PRDM10: variants seen among roughly 807,000 people sequenced by gnomAD.
PRDM10 encodes PR/SET domain 10.
PRDM10 carries 65 observed loss-of-function variants against 133.1 expected under a neutral mutation model. That is an observed-to-expected ratio of 0.49 (90% confidence interval 0.40 to 0.60). PRDM10 has a LOEUF of 0.60. Among genes scored for constraint, PRDM10 ranks in the 20% least tolerant of loss-of-function variants. The pLI is 0.00. For missense variants in PRDM10, 1,137 were observed against 1,507.1 expected (o/e 0.75, Z 4.07); for synonymous variants, 582 against 580.4 (o/e 1.00, Z -0.04).
At position 129,960,967 on chromosome 11, in the gene PRDM10, T is replaced by A. The variant is rs1951785481; in HGVS notation, c.-3A>T. The stretch of plus-strand genomic sequence containing the variant: ...GAGCTTTCATCTTTGGAATCCATCT[T>A]CTCCCAACTGGACAGCTCCACGTCT... On this transcript the variant is annotated 5_prime_UTR_variant, in exon 2 of 21. Coordinates refer to ENST00000360871, the MANE Select transcript of PRDM10 (RefSeq NM_199437.2). 6.2e-7 allele frequency: 1 copy of A among 1,613,944 alleles called. No homozygotes were observed. Among genetic ancestry groups the A allele is most frequent in the Non-Finnish European group, 8.5e-7 (1 of 1,179,982 alleles).
chr11:129,971,617 GC>G (rs1436947325), intron 1 of PRDM10, among the ~76,000 whole-genome samples: 2 of 151,088 alleles, frequency 1.3e-5, no homozygotes, highest in East Asian at 3.9e-4. Context: ...GTTCTCCAAG[GC>G]CCCACCAGAG....
intron 1 of PRDM10, among the ~76,000 whole-genome samples, chr11:129,999,569 GAAC>G (rs1156969663): frequency 2.0e-5 from 3 of 152,104 alleles, no homozygotes; most frequent in Admixed American, 6.6e-5. Flanking sequence ...AAAACAAACT[GAAC>G]AACTCAAACA....
At chr11:129,964,513 C>G (rs1443395990) in intron 1 of PRDM10, among the ~76,000 whole-genome samples, 1 of 152,206 alleles carries the variant, frequency 6.6e-6, no homozygotes. Flanking sequence ...TATATACTCT[C>G]TCCCTCTCCA....
chr11:129,934,414 G>A (rs1175839104), intron 9 of PRDM10, among the ~76,000 whole-genome samples: 2 of 152,262 alleles, frequency 1.3e-5, no homozygotes, highest in Non-Finnish European at 2.9e-5. Flanking sequence ...CCCCTGGCAT[G>A]AGCCTACTCC....
intron 11 of PRDM10, chr11:129,929,424 G>A (rs757297219): frequency 6.7e-5 from 105 of 1,563,064 alleles, no homozygotes; most frequent in Non-Finnish European, 8.8e-5. Context: ...AGCTCCAACT[G>A]AGCAGGCAGC....
rs78639039 is a variant in PRDM10, at chr11:129,959,273, T to A, written c.70-1363A>T. 6.8e-3 allele frequency among the ~76,000 whole-genome samples: 1,030 copies of A among 152,342 alleles called. 9 individuals carry two copies. Among genetic ancestry groups the A allele is most frequent in the African/African-American group, 0.024 (985 of 41,570 alleles). The stretch of plus-strand genomic sequence containing the variant: ...TGATTAGTCTGGCTTCTACATAAAT[T>A]TGATTTGTCTGGAAGATAAAGTTTG... On this transcript the variant is annotated intron_variant, in intron 2 of 20. Coordinates refer to ENST00000360871, the MANE Select transcript of PRDM10 (RefSeq NM_199437.2).
At chr11:129,929,260 C>T (rs1950776462) in intron 11 of PRDM10, 5 of 709,268 alleles carry the variant, frequency 7.0e-6, no homozygotes, top group Non-Finnish European at 1.1e-5. Flanking sequence ...GATCTATTTA[C>T]AAATAAATTA....
intron 8 of PRDM10, among the ~76,000 whole-genome samples, chr11:129,936,535 C>A (rs1951035739): frequency 6.6e-6 from 1 of 152,212 alleles, no homozygotes; most frequent in East Asian, 1.9e-4. Context: ...CGCCTGTAGT[C>A]CCAGCTACTC....
At chr11:129,951,074 A>T (rs1187624247) in intron 4 of PRDM10, among the ~76,000 whole-genome samples, 3 of 152,234 alleles carry the variant, frequency 2.0e-5, no homozygotes, top group Non-Finnish European at 1.5e-5. Flanking sequence ...AAAGGAACGG[A>T]AAGAGCTGCT....
chr11:129,970,073 G>A (rs1280373389), intron 1 of PRDM10, among the ~76,000 whole-genome samples: 1 of 152,162 alleles, frequency 6.6e-6, no homozygotes, highest in East Asian at 1.9e-4. Flanking sequence ...AGAAATTCTA[G>A]GCCCACAGTT....
chr11:129,947,597 C>G lies in PRDM10; in HGVS notation c.295-227G>C, dbSNP rs1951462454. The G allele has an allele frequency of 7.2e-7, 1 of 1,391,578 alleles. No individual in the cohort carries two copies. 86.2% of individuals were successfully genotyped at this position (1,391,578 alleles called of 1,614,324 possible). ...TTTAAGCCTCTGCCCTCCCTCTGCC[C>G]CTTCTGTCCCACACCTGGGAGGGCT... On this transcript the variant is annotated intron_variant, in intron 4 of 20. Transcript: ENST00000360871. The surrounding 1 kb of genome is among the most constrained non-coding windows in gnomAD (Gnocchi z 4.6).
intron 11 of PRDM10, among the ~76,000 whole-genome samples, chr11:129,928,770 G>A (rs1950762681): frequency 6.6e-6 from 1 of 152,044 alleles, no homozygotes; most frequent in Non-Finnish European, 1.5e-5. Context: ...GGCCAGCCCT[G>A]CCCAACTCGG....
rs540427228 is a variant in PRDM10, at chr11:129,929,739, GT to G, written c.1530+1276del. 3.5e-4 allele frequency among the ~76,000 whole-genome samples: 43 copies of G among 123,892 alleles called. 1 individual carries two copies. Among genetic ancestry groups the G allele is most frequent in the African/African-American group, 8.1e-4 (27 of 33,286 alleles). 81.3% of individuals were successfully genotyped at this position (123,892 alleles called of 152,430 possible). ...AACTTCACTGCATGTGTGGGCTTCG[GT>G]TTTTTTTTTTCCTTCCAAAAAAAAA... On this transcript the variant is annotated intron_variant, in intron 11 of 20. Transcript: ENST00000360871.
At chr11:129,926,845 T>G (rs568669300) in intron 11 of PRDM10, among the ~76,000 whole-genome samples, 1 of 152,200 alleles carries the variant, frequency 6.6e-6, no homozygotes, top group African/African-American at 2.4e-5. Flanking sequence ...GTGAAATATA[T>G]TTCATATGAA....
At chr11:129,929,012 T>C (rs2135803399) in intron 11 of PRDM10, among the ~76,000 whole-genome samples, 1 of 152,366 alleles carries the variant, frequency 6.6e-6, no homozygotes, top group South Asian at 2.1e-4. Flanking sequence ...CAAGTTATAC[T>C]TTTACATTTA....
At position 129,942,498 on chromosome 11, in the gene PRDM10, C is replaced by T; in HGVS notation, c.894G>A (p.Leu298=). ...CATGGTGGCCATACTGGTAAGCCAC[C>T]AGGTTCTGCTCCAGGTGATTCTGGG... is the stretch of plus-strand genomic sequence containing the variant. The part of the protein sequence containing the change: ...RPAQNHLEQN[L]VAYQYGHHVY... Residue 298 remains leucine, a synonymous_variant, in exon 7 of 21, where the codon CTG becomes CTA. Coordinates refer to ENST00000360871, the MANE Select transcript of PRDM10 (RefSeq NM_199437.2). The T allele has an allele frequency of 6.2e-7, 1 of 1,614,038 alleles. No individual in the cohort carries two copies. Among genetic ancestry groups the T allele is most frequent in the Non-Finnish European group, 8.5e-7 (1 of 1,180,032 alleles).
Position 129,900,324 on chromosome 11 carries a change from CTT to C in PRDM10, c.*1987_*1988del, listed in dbSNP as rs1445949435. 1 of 148,488 alleles carries C rather than the reference CTT, an allele frequency of 6.7e-6. No homozygotes were observed. Among genetic ancestry groups the C allele is most frequent in the Non-Finnish European group, 1.5e-5 (1 of 67,598 alleles). 9.2% of individuals were successfully genotyped at this position (148,488 alleles called of 1,614,324 possible). A position where few individuals can be genotyped will look rare whatever the true frequency, so the allele number is the denominator to read the frequency against. On this transcript the variant is annotated 3_prime_UTR_variant, in exon 21 of 21. Coordinates refer to ENST00000360871, the MANE Select transcript of PRDM10 (RefSeq NM_199437.2). ...ATAATATACAAATTAGTTTTAGAGTCTTTATTTCACTTAAGGACCAAAGAAGA... is the reference window on the plus strand; with the variant it reads ...ATAATATACAAATTAGTTTTAGAGTCTATTTCACTTAAGGACCAAAGAAGA...
chr11:129,922,823 A>G (rs920262589), intron 13 of PRDM10, among the ~76,000 whole-genome samples: 7 of 152,214 alleles, frequency 4.6e-5, no homozygotes, highest in Non-Finnish European at 5.9e-5. Flanking sequence ...CCTTCTCAGC[A>G]TTCTTCAGAT....
At chr11:129,959,530 G>A (rs970478772) in intron 2 of PRDM10, among the ~76,000 whole-genome samples, 1 of 152,138 alleles carries the variant, frequency 6.6e-6, no homozygotes, top group African/African-American at 2.4e-5. Flanking sequence ...GAGTGCCACA[G>A]GGACCCTGAC....
Sources: allele counts gnomAD v4.1 joint callset (sites outside exome capture counted in the v4.1 genomes callset), GRCh38; gene constraint gnomAD v4.1.1; non-coding constraint Gnocchi (gnomAD v3.1); transcripts MANE v1.5; gene names NCBI Gene and HGNC (gene_info 2026-07-23, HGNC 2026-07-21).